The following HTT variants were observed in gnomAD, a reference collection of about 807,000 sequenced individuals.
HTT encodes huntington disease protein.
A neutral mutation model predicts 362.3 loss-of-function variants in HTT; 104 were observed. The ratio of observed to expected loss-of-function variants is 0.29; its 90% confidence interval spans 0.24 to 0.34. HTT has a LOEUF of 0.34. Among genes scored for constraint, HTT ranks in the 10% least tolerant of loss-of-function variants. HTT has a pLI of 1.00. For synonymous variants in HTT, 1,577 were observed against 1,548.7 expected (o/e 1.02, Z -0.43); for missense variants, 3,301 against 3,928.6 (o/e 0.84, Z 4.27).
intron 1 of HTT, among the ~76,000 whole-genome samples, chr4:3,078,513 C>G (rs1712685908): frequency 6.6e-6 from 1 of 152,180 alleles, no homozygotes; most frequent in Non-Finnish European, 1.5e-5. Context: ...AGAAAGCCTG[C>G]TAGACAAATT....
intron 35 of HTT, 71 bp from the exon 36 acceptor site, chr4:3,180,444 G>GATGTTGAGA (rs1718458468): frequency 7.3e-7 from 1 of 1,360,620 alleles, no homozygotes; most frequent in Admixed American, 2.4e-5. Context: ...GCATTTTGTA[G>GATGTTGAGA]ATGTTGAGAG....
In HTT at chr4:3,223,390, T is replaced by G; in HGVS notation, c.7471-16T>G. The stretch of plus-strand genomic sequence containing the variant: ...GTGTCTTGCTGCTCTTGTTGACATG[T>G]GGGCTCTCCTTCCAGGAAGACACAG... On this transcript the variant is annotated splice_polypyrimidine_tract_variant and intron_variant, in intron 54 of 66. Coordinates refer to ENST00000355072, the MANE Select transcript of HTT (RefSeq NM_001388492.1). 6.4e-7 allele frequency: 1 copy of G among 1,563,192 alleles called. No individual in the cohort carries two copies. The highest frequency in any genetic ancestry group is 8.7e-7 in the Non-Finnish European group (1 of 1,152,572).
At chr4:3,115,106 C>G (rs951419976) in intron 6 of HTT, among the ~76,000 whole-genome samples, 198 bp from the exon 7 acceptor site, 4 of 152,130 alleles carry the variant, frequency 2.6e-5, no homozygotes, top group Admixed American at 1.3e-4. Context: ...TATAAAGAAG[C>G]AAATAGACTA....
intron 16 of HTT, 62 bp from the exon 17 acceptor site, chr4:3,132,500 G>C: frequency 2.1e-6 from 3 of 1,415,288 alleles, no homozygotes; most frequent in Non-Finnish European, 2.9e-6. Context: ...TTAAGCTTTT[G>C]TTTCGAGTTA....
At chr4:3,150,750 C>T (rs951605348) in intron 26 of HTT, among the ~76,000 whole-genome samples, 1 of 152,124 alleles carries the variant, frequency 6.6e-6, no homozygotes. Flanking sequence ...AAAAACCGGA[C>T]TGCAGGCCGT....
At chr4:3,230,792 A>C (rs1721213145) in intron 60 of HTT, among the ~76,000 whole-genome samples, 1 of 151,994 alleles carries the variant, frequency 6.6e-6, no homozygotes, top group African/African-American at 2.4e-5. Context: ...CCCAATCCAC[A>C]AGGGCTCTCC....
chr4:3,133,468 C>T (rs143465264), intron 18 of HTT, among the ~76,000 whole-genome samples: 3 of 150,930 alleles, frequency 2.0e-5, no homozygotes, highest in Non-Finnish European at 4.4e-5. Context: ...TGCCCTCTAG[C>T]CTGGGCAACA....
chr4:3,213,523 C>A (rs1720258420), intron 49 of HTT, among the ~76,000 whole-genome samples: 1 of 152,230 alleles, frequency 6.6e-6, no homozygotes, highest in Non-Finnish European at 1.5e-5. Context: ...ATTTCAGTGA[C>A]TTGCCCAGGT....
chr4:3,184,462 G>A (rs1718667633), intron 37 of HTT, among the ~76,000 whole-genome samples: 1 of 151,994 alleles, frequency 6.6e-6, no homozygotes, highest in South Asian at 2.1e-4. Flanking sequence ...GGGAGGTGAG[G>A]GCAGAGCAGG....
chr4:3,080,383 CT>C (rs1712828868), intron 1 of HTT, among the ~76,000 whole-genome samples: 2 of 150,596 alleles, frequency 1.3e-5, no homozygotes, highest in Non-Finnish European at 3.0e-5. Flanking sequence ...GTTTGGGCCA[CT>C]GCACCCGGTC....
At position 3,189,622 on chromosome 4, in the gene HTT, G is replaced by A. The variant is rs539441314; in HGVS notation, c.5368+529G>A. On this transcript the variant is annotated intron_variant, in intron 40 of 66. Transcript: ENST00000355072. ...AATGGTGGTTGCCAGGGGCTGCAGG[G>A]GAGGGGAGTTATTTTTACAAGATGA... is the stretch of plus-strand genomic sequence containing the variant. Among the ~76,000 whole-genome samples the A allele has an allele frequency of 2.6e-5, 4 of 152,312 alleles. No homozygotes were observed. The East Asian group carries it at 7.7e-4, about 29-fold the overall frequency.
At chr4:3,086,129 A>G (rs1200297947) in intron 1 of HTT, among the ~76,000 whole-genome samples, 1 of 152,224 alleles carries the variant, frequency 6.6e-6, no homozygotes, top group East Asian at 1.9e-4. Context: ...CTTGTAATCT[A>G]TGCCATCATC....
chr4:3,231,325 T>G (rs1472633434), intron 60 of HTT, among the ~76,000 whole-genome samples: 1 of 152,228 alleles, frequency 6.6e-6, no homozygotes, highest in East Asian at 1.9e-4. Flanking sequence ...AATGCTGTCA[T>G]GACGGTGAAT....
intron 66 of HTT, 67 bp from the exon 67 acceptor site, chr4:3,239,779 C>G: frequency 7.7e-7 from 1 of 1,291,452 alleles, no homozygotes; most frequent in Non-Finnish European, 1.1e-6. Flanking sequence ...GAGAGGAACT[C>G]CCAGGTGAGG....
At chr4:3,153,663 C>G (rs2110211200) in intron 26 of HTT, among the ~76,000 whole-genome samples, 1 of 152,256 alleles carries the variant, frequency 6.6e-6, no homozygotes, top group Admixed American at 6.5e-5. Context: ...TGGCTCATGC[C>G]TGTAATTCCA....
In HTT at chr4:3,242,638, G is replaced by A. The variant is rs969588569; in HGVS notation, c.*2579G>A. On this transcript the variant is annotated 3_prime_UTR_variant, in exon 67 of 67. Transcript: ENST00000355072. ...CCATATCAGCTCTCTGCAGAAGGGA[G>A]GAAGACTTTATCATGTTCCTAAAAA... 3 of 152,162 alleles carry A rather than the reference G, an allele frequency of 2.0e-5. No homozygotes were observed. The highest frequency in any genetic ancestry group is 4.4e-5 in the Non-Finnish European group (3 of 68,048). 9.4% of individuals were successfully genotyped at this position (152,162 alleles called of 1,614,324 possible). A position where few individuals can be genotyped will look rare whatever the true frequency, so the allele number is the denominator to read the frequency against.
chr4:3,147,340 G>C (rs985237984), intron 25 of HTT, among the ~76,000 whole-genome samples: 3 of 152,224 alleles, frequency 2.0e-5, no homozygotes, highest in African/African-American at 7.2e-5. Context: ...TGGTCACACA[G>C]AGTGGCCCTA....
At position 3,083,526 on chromosome 4, in the gene HTT, A is replaced by AAT. The variant is rs141494195; in HGVS notation, c.264-3409_264-3408dup. 2.3e-3 allele frequency among the ~76,000 whole-genome samples: 187 copies of AAT among 81,836 alleles called. 2 individuals are homozygous for AAT. Among genetic ancestry groups the AAT allele is most frequent in the African/African-American group, 5.5e-3 (78 of 14,170 alleles). The allele number at this position is 81,836 out of a possible 152,430, so 53.7% of individuals were successfully genotyped here. Reference sequence around the variant, plus strand: ...GCAAGAGAGTGAGACCCTGTCTCTAAATATACACACACACACACACACACA... The same window carrying AAT: ...GCAAGAGAGTGAGACCCTGTCTCTAAATATATACACACACACACACACACACA... On this transcript the variant is annotated intron_variant, in intron 1 of 66. Coordinates refer to ENST00000355072, the MANE Select transcript of HTT (RefSeq NM_001388492.1).
At chr4:3,194,952 T>G (rs1249860298) in intron 40 of HTT, among the ~76,000 whole-genome samples, 2 of 152,214 alleles carry the variant, frequency 1.3e-5, no homozygotes, top group African/African-American at 2.4e-5. Context: ...TTATCCCAGT[T>G]AATTCTTAGA....
Sources: gnomAD v4.1 joint callset for allele counts (sites outside exome capture counted in the v4.1 genomes callset) on GRCh38, gnomAD v4.1.1 for gene constraint, MANE v1.5 for transcripts, NCBI Gene and HGNC (gene_info 2026-07-23, HGNC 2026-07-21) for gene names.